The following SLC22A24 variants were observed in gnomAD, a reference collection of about 807,000 sequenced individuals.
SLC22A24 encodes the protein steroid transmembrane transporter SLC22A24.
Under a neutral mutation model 49.8 loss-of-function variants are expected in SLC22A24, and 53 were observed. The ratio of observed to expected loss-of-function variants is 1.06; its 90% CI spans 0.85 to 1.34. The LOEUF (loss-of-function observed/expected upper bound fraction) is 1.34, where lower values mean the gene tolerates loss of function less well. Ranked by LOEUF, SLC22A24 falls within the 40% of genes most tolerant of loss-of-function variation. The probability of loss-of-function intolerance (pLI) is 0.00; values close to 1 mark genes in which losing one functional copy is unlikely to be tolerated. For missense variants in SLC22A24, 786 were observed against 675.9 expected (o/e 1.16, Z -1.81); for synonymous variants, 302 against 256.4 (o/e 1.18, Z -1.70).
intron 4 of SLC22A24, among the ~76,000 whole-genome samples, chr11:63,111,709 T>G (rs1238026317): frequency 3.9e-5 from 6 of 152,180 alleles, no homozygotes; most frequent in Non-Finnish European, 4.4e-5. Flanking sequence ...CCTTTATCAT[T>G]TTTTATTGTG....
chr11:63,135,010 T>G (rs1247760148), intron 1 of SLC22A24, among the ~76,000 whole-genome samples: 1 of 152,168 alleles, frequency 6.6e-6, no homozygotes, highest in Non-Finnish European at 1.5e-5. Context: ...AAAATATATA[T>G]CCACATGTCT....
rs759853472 is a variant in SLC22A24, at chr11:63,108,106, C to A, written c.831-3808G>T. 2.0e-5 allele frequency among the ~76,000 whole-genome samples: 3 copies of A among 152,034 alleles called. No homozygotes were observed. The East Asian group carries it at 5.8e-4, about 29-fold the overall frequency. On this transcript the variant is annotated intron_variant, in intron 4 of 9. Coordinates refer to ENST00000612278, the MANE Select transcript of SLC22A24 (RefSeq NM_001136506.2). ...AACTCTTATTATTTTGAGATACATC[C>A]CATCAATACCTAGTCTATTGAGAGT...
At chr11:63,140,263 G>C (rs1445899832) in intron 1 of SLC22A24, among the ~76,000 whole-genome samples, 1 of 151,848 alleles carries the variant, frequency 6.6e-6, no homozygotes, top group Admixed American at 6.6e-5. Flanking sequence ...TGTATTTTTA[G>C]TAGAGATGAG....
rs549827340 is a variant in SLC22A24 at position 63,081,970 on chromosome 11, T to C, written c.1286-304A>G. Among the ~76,000 whole-genome samples the C allele has an allele frequency of 3.9e-5, 6 of 152,360 alleles. No homozygotes were observed. The East Asian group carries it at 7.7e-4, about 20-fold the overall frequency. On this transcript the variant is annotated intron_variant, in intron 7 of 9. Coordinates refer to ENST00000612278, the MANE Select transcript of SLC22A24 (RefSeq NM_001136506.2). ...TATTTGTTTTATTTATTCTGTGTAA[T>C]ATTTTCTGTGTACTTCCAGTGGGGG...
At chr11:63,104,089 T>A in intron 5 of SLC22A24, 86 bp downstream of exon 5, 1 of 1,411,634 alleles carries the variant, frequency 7.1e-7, no homozygotes. Context: ...GAAGTCTAAT[T>A]CTGTCACTCC....
chr11:63,115,358 G>C (rs750170365), intron 4 of SLC22A24, among the ~76,000 whole-genome samples: 1 of 152,218 alleles, frequency 6.6e-6, no homozygotes, highest in African/African-American at 2.4e-5. Flanking sequence ...CGTGGGCATG[G>C]GACCCAGTGA....
At chr11:63,125,302 C>G (rs1565336985) in intron 2 of SLC22A24, among the ~76,000 whole-genome samples, 4 of 152,072 alleles carry the variant, frequency 2.6e-5, no homozygotes, top group Non-Finnish European at 5.9e-5. Context: ...TGCTACTCCT[C>G]CCCTAGCCCT....
At chr11:63,113,415 T>G (rs866916912) in intron 4 of SLC22A24, among the ~76,000 whole-genome samples, 4 of 151,846 alleles carry the variant, frequency 2.6e-5, no homozygotes, top group Non-Finnish European at 4.4e-5. Context: ...CCATGTTTAG[T>G]GCTTCCTTCA....
intron 5 of SLC22A24, among the ~76,000 whole-genome samples, chr11:63,102,424 A>C (rs1016916382): frequency 6.6e-6 from 1 of 152,138 alleles, no homozygotes; most frequent in Admixed American, 6.6e-5. Context: ...ACTCAGATGC[A>C]CTGGTCTGTC....
At chr11:63,123,785 C>T (rs1478251643) in intron 2 of SLC22A24, among the ~76,000 whole-genome samples, 1 of 152,182 alleles carries the variant, frequency 6.6e-6, no homozygotes, top group Non-Finnish European at 1.5e-5. Context: ...ACCTCTAAAA[C>T]ATTTTACAAA....
At chr11:63,094,395 A>G (rs1371384598) in intron 6 of SLC22A24, among the ~76,000 whole-genome samples, 6 of 151,964 alleles carry the variant, frequency 3.9e-5, no homozygotes, top group Admixed American at 3.3e-4. Flanking sequence ...AGACATTTAG[A>G]TTGGTTCCAA....
At chr11:63,080,278 T>A (rs1468193958) in intron 9 of SLC22A24, among the ~76,000 whole-genome samples, 1 of 152,192 alleles carries the variant, frequency 6.6e-6, no homozygotes. Context: ...GAATTGAAAA[T>A]TTTAAAGCTA....
chr11:63,103,941 C>A (rs1300633167), intron 5 of SLC22A24, among the ~76,000 whole-genome samples: 3 of 152,098 alleles, frequency 2.0e-5, no homozygotes, highest in Admixed American at 2.0e-4. Flanking sequence ...AGGGTAAGAG[C>A]ATGAAAATTT....
intron 4 of SLC22A24, among the ~76,000 whole-genome samples, chr11:63,118,312 G>T (rs2087225979): frequency 6.6e-6 from 1 of 151,996 alleles, no homozygotes; most frequent in African/African-American, 2.4e-5. Context: ...TTCTTACTGG[G>T]ACTCAGTTTT....
intron 4 of SLC22A24, among the ~76,000 whole-genome samples, chr11:63,108,733 G>T (rs1262164801): frequency 6.6e-6 from 1 of 151,342 alleles, no homozygotes; most frequent in Non-Finnish European, 1.5e-5. Flanking sequence ...GGTGTTTATA[G>T]TATTCTCTGA....
At chr11:63,142,827 C>T (rs1005279908) in intron 1 of SLC22A24, among the ~76,000 whole-genome samples, 2 of 152,182 alleles carry the variant, frequency 1.3e-5, no homozygotes, top group Middle Eastern at 3.4e-3. Flanking sequence ...CTGGCTGCCC[C>T]CCAACCACCA....
chr11:63,110,191 T>C (rs2087152729), intron 4 of SLC22A24, among the ~76,000 whole-genome samples: 1 of 151,472 alleles, frequency 6.6e-6, no homozygotes, highest in African/African-American at 2.4e-5. Flanking sequence ...GGCTCTGTTC[T>C]GTTCCATTGA....
At chr11:63,093,944 G>C (rs1217807770) in intron 6 of SLC22A24, among the ~76,000 whole-genome samples, 1 of 151,132 alleles carries the variant, frequency 6.6e-6, no homozygotes, top group Non-Finnish European at 1.5e-5. Flanking sequence ...AAGTCATATT[G>C]GCAAAATATG....
At chr11:63,135,678 TTA>T (rs1256204396) in intron 1 of SLC22A24, among the ~76,000 whole-genome samples, 1 of 152,332 alleles carries the variant, frequency 6.6e-6, no homozygotes, top group South Asian at 2.1e-4. Flanking sequence ...GCTGTTTATT[TTA>T]TGTTTATTTT....
Sources: allele counts gnomAD v4.1 joint callset (sites outside exome capture counted in the v4.1 genomes callset), GRCh38; gene constraint gnomAD v4.1.1; transcripts MANE v1.5; gene names NCBI Gene and HGNC (gene_info 2026-07-23, HGNC 2026-07-21).